The following RASGRP4 variants were observed in gnomAD, a reference collection of about 807,000 sequenced individuals.
RASGRP4 encodes the protein RAS guanyl releasing protein 4.
RASGRP4 carries 52 observed loss-of-function variants against 84.4 expected under a neutral mutation model. The ratio of observed to expected loss-of-function variants is 0.62; its 90% CI spans 0.49 to 0.78. The LOEUF is 0.78. Ranked by LOEUF, RASGRP4 falls within the 30% of genes least tolerant of loss-of-function variation. The probability of loss-of-function intolerance (pLI) is 0.00; values close to 1 mark genes in which losing one functional copy is unlikely to be tolerated. For missense variants in RASGRP4, 760 were observed against 886.9 expected (o/e 0.86, Z 1.82); for synonymous variants, 356 against 359.1 (o/e 0.99, Z 0.10).
In RASGRP4 at chr19:38,413,542, G is replaced by T; in HGVS notation, c.1231-68C>A. 2 of 1,331,016 alleles carry T rather than the reference G, an allele frequency of 1.5e-6. No individual in the cohort carries two copies. The highest frequency in any genetic ancestry group is 2.0e-5 in the Admixed American group (1 of 50,014). 82.5% of individuals were successfully genotyped at this position (1,331,016 alleles called of 1,614,324 possible). On this transcript the variant is annotated intron_variant, in intron 9 of 16. Transcript: ENST00000615439. This position sits in a 1 kb window ranked among gnomAD's most constrained non-coding sequence, Gnocchi z 4.7. ...CTGCCCCAGACCCCCACACCCACTC[G>T]CAGGCTCTTCCCAAAGCCCCTCCTG...
chr19:38,414,687 T>C (rs1006953350), intron 9 of RASGRP4, among the ~76,000 whole-genome samples, 161 bp downstream of exon 9: 1 of 152,220 alleles, frequency 6.6e-6, no homozygotes, highest in Non-Finnish European at 1.5e-5. Context: ...TTCAGTGACT[T>C]GCCCAAGATC....
chr19:38,411,372 C>A lies in RASGRP4; in HGVS notation c.1690G>T (p.Val564Phe). 6.3e-7 allele frequency: 1 copy of A among 1,580,702 alleles called. No homozygotes were observed. Among genetic ancestry groups the A allele is most frequent in the Admixed American group, 1.8e-5 (1 of 55,646 alleles). ...CGACAGCGGTAGCCTTGCTTGGTGA[C>A]ACCCCAGAGCTGGGAAGAGAAAGGA... ...CDSCSGFLWG[V>F]TKQGYRCREC... The change falls in exon 14 of 17, where the codon GTC (valine) becomes TTC (phenylalanine). Residue 564 changes from valine (V) to phenylalanine (F), a missense_variant. Coordinates refer to ENST00000615439, the MANE Select transcript of RASGRP4 (RefSeq NM_170604.3).
At chr19:38,415,738 G>A (rs1481613337) in intron 8 of RASGRP4, among the ~76,000 whole-genome samples, 2 of 151,904 alleles carry the variant, frequency 1.3e-5, no homozygotes, top group African/African-American at 4.8e-5. Flanking sequence ...ACAGTGTCAT[G>A]ATCACAGCTC....
rs1156782775 is a variant in RASGRP4, at chr19:38,417,879, C to T, written c.837+512G>A. On this transcript the variant is annotated intron_variant, in intron 7 of 16. Transcript: ENST00000615439. This position sits in a 1 kb window ranked among gnomAD's most constrained non-coding sequence, Gnocchi z 5.1. The stretch of plus-strand genomic sequence containing the variant: ...CTGCGTGGAAATACGCAAGGGGGCG[C>T]GGCCACAGCGGGGCCGTAGGGCTTC... Among the ~76,000 whole-genome samples the T allele has an allele frequency of 6.6e-6, 1 of 151,716 alleles. No individual in the cohort carries two copies. The highest frequency in any genetic ancestry group is 2.1e-4 in the South Asian group (1 of 4,828).
At chr19:38,426,014 C>T in intron 1 of RASGRP4, 55 bp downstream of exon 1, 1 of 1,334,220 alleles carries the variant, frequency 7.5e-7, no homozygotes, top group Non-Finnish European at 9.8e-7. Context: ...CCAGCCCTCC[C>T]ATGCAGAGGG....
chr19:38,412,819 G>A lies in RASGRP4; in HGVS notation c.1536-3C>T, dbSNP rs1486176880. The A allele has an allele frequency of 3.1e-6, 5 of 1,608,626 alleles. No individual in the cohort carries two copies. Among genetic ancestry groups the A allele is most frequent in the Non-Finnish European group, 4.2e-6 (5 of 1,177,332 alleles). On this transcript the variant is annotated splice_polypyrimidine_tract_variant and splice_region_variant and intron_variant, in intron 12 of 16. Transcript: ENST00000615439. The surrounding 1 kb of genome is among the most constrained non-coding windows in gnomAD (Gnocchi z 4.6). ...CCTCTCTGCTGAAGGATCCTCTCCT[G>A]GGGGCAGAAACTGAGCCTCAGCATG...
intron 8 of RASGRP4, among the ~76,000 whole-genome samples, chr19:38,415,669 G>A (rs775112665): frequency 8.6e-5 from 13 of 151,710 alleles, no homozygotes; most frequent in East Asian, 2.0e-4. Flanking sequence ...CATCAAGACC[G>A]GCCTTTTTAT....
intron 4 of RASGRP4, 122 bp downstream of exon 4, chr19:38,420,786 G>T: frequency 1.1e-6 from 1 of 921,826 alleles, no homozygotes. Flanking sequence ...GTGGGATTTT[G>T]GCCTGTGGGG....
intron 1 of RASGRP4, among the ~76,000 whole-genome samples, chr19:38,423,339 A>G (rs1158845651): frequency 1.3e-5 from 2 of 151,936 alleles, no homozygotes; most frequent in Non-Finnish European, 2.9e-5. Context: ...ACCCCGGCCA[A>G]CATGGTGAAA....
In RASGRP4 at chr19:38,412,460, A is replaced by G. The variant is rs1971302944; in HGVS notation, c.1680+212T>C. Reference sequence around the variant, plus strand: ...TTTAGGTATTATCCATGGTTCAGCAATTGTCTGGGGTGGACATTATCTGGG... The same window carrying G: ...TTTAGGTATTATCCATGGTTCAGCAGTTGTCTGGGGTGGACATTATCTGGG... On this transcript the variant is annotated intron_variant, in intron 13 of 16. Transcript: ENST00000615439. The surrounding 1 kb of genome is among the most constrained non-coding windows in gnomAD (Gnocchi z 4.6). 6.9e-6 allele frequency: 4 copies of G among 583,564 alleles called. No homozygotes were observed. The highest frequency in any genetic ancestry group is 3.7e-5 in the African/African-American group (2 of 53,548). The allele number at this position is 583,564 out of a possible 1,614,324, so 36.1% of individuals were successfully genotyped here.
intron 1 of RASGRP4, among the ~76,000 whole-genome samples, chr19:38,424,785 C>G (rs1971918790): frequency 6.6e-6 from 1 of 151,702 alleles, no homozygotes; most frequent in Non-Finnish European, 1.5e-5. Context: ...AGCATTCTAA[C>G]TAAGTCAGCA....
intron 1 of RASGRP4, among the ~76,000 whole-genome samples, chr19:38,425,785 G>A (rs914334804): frequency 6.6e-6 from 1 of 152,180 alleles, no homozygotes; most frequent in Admixed American, 6.5e-5. Context: ...CCCCCAGGGA[G>A]GGCAGAGACA....
intron 13 of RASGRP4, 64 bp from the exon 14 acceptor site, chr19:38,411,445 C>T: frequency 7.0e-7 from 1 of 1,434,052 alleles, no homozygotes; most frequent in Non-Finnish European, 9.4e-7. Flanking sequence ...ATTGGCAGGG[C>T]AGCTGGGGAG....
chr19:38,422,489 G>A (rs142145136), intron 1 of RASGRP4, among the ~76,000 whole-genome samples: 7 of 152,298 alleles, frequency 4.6e-5, no homozygotes, highest in African/African-American at 1.7e-4. Flanking sequence ...CAGCGGGCAA[G>A]CAAGCACCCC....
At chr19:38,424,040 TTA>T (rs1462027071) in intron 1 of RASGRP4, among the ~76,000 whole-genome samples, 1 of 152,156 alleles carries the variant, frequency 6.6e-6, no homozygotes, top group Admixed American at 6.5e-5. Context: ...TGTTAGTCAC[TTA>T]ATTTCTCTGG....
chr19:38,411,573 C>T lies in RASGRP4; in HGVS notation c.1681-192G>A, dbSNP rs979762692. 4.9e-6 allele frequency: 3 copies of T among 607,112 alleles called. No individual in the cohort carries two copies. The East Asian group carries it at 8.7e-5, about 18-fold the overall frequency. 37.6% of individuals were successfully genotyped at this position (607,112 alleles called of 1,614,324 possible). A position where few individuals can be genotyped will look rare whatever the true frequency, so the allele number is the denominator to read the frequency against. ...CCAGTAATCCCAGCACTTTGAGACG[C>T]CAAGGTGGGAGGTTGGGAGGCCAAG... is the stretch of plus-strand genomic sequence containing the variant. On this transcript the variant is annotated intron_variant, in intron 13 of 16. Transcript: ENST00000615439.
At position 38,426,086 on chromosome 19, in the gene RASGRP4, G is replaced by A; in HGVS notation, c.6C>T (p.Asn2=). The stretch of plus-strand genomic sequence containing the variant: ...CCTCTCACCTCTTACTGTCTTTTCT[G>A]TTCATGCTTCCCGCGTGGGGTGAGG... M[N]RKDSKRKSHQ... The change falls in exon 1 of 17, where the codon AAC becomes AAT. Residue 2 remains asparagine (N), a synonymous_variant. Transcript: ENST00000615439. 1 of 1,343,644 alleles carries A rather than the reference G, an allele frequency of 7.4e-7. No homozygotes were observed. Among genetic ancestry groups the A allele is most frequent in the Non-Finnish European group, 9.6e-7 (1 of 1,038,286 alleles). The allele number at this position is 1,343,644 out of a possible 1,614,324, so 83.2% of individuals were successfully genotyped here.
chr19:38,421,822 C>G (rs1335396444), intron 2 of RASGRP4, 147 bp downstream of exon 2: 12 of 513,302 alleles, frequency 2.3e-5, no homozygotes, highest in Non-Finnish European at 4.1e-5. Context: ...AGAAGAAATG[C>G]AGGTGTTTCT....
At position 38,412,937 on chromosome 19, in the gene RASGRP4, C is replaced by T. The variant is rs751562921; in HGVS notation, c.1529G>A (p.Arg510His). 6.9e-5 allele frequency: 112 copies of T among 1,613,534 alleles called. No homozygotes were observed. The highest frequency in any genetic ancestry group is 1.6e-4 in the East Asian group (7 of 44,886). The part of the protein sequence containing the change: ...FACHGLHPPP[R>H]QGRGSFSREE... ...AGGAGTCACAACCACTTACCCCTGG[C>T]GTGGGGGTGGGTGAAGCCCATGGCA... is the stretch of plus-strand genomic sequence containing the variant. Residue 510 changes from arginine to histidine, a missense_variant, in exon 12 of 17, where the codon CGC becomes CAC. Arg to His is a conservative substitution (Grantham distance 29). Transcript: ENST00000615439. This position sits in a 1 kb window ranked among gnomAD's most constrained non-coding sequence, Gnocchi z 4.6.
Sources: gnomAD v4.1 joint callset for allele counts (sites outside exome capture counted in the v4.1 genomes callset) on GRCh38, gnomAD v4.1.1 for gene constraint, Gnocchi (gnomAD v3.1) non-coding constraint, MANE v1.5 for transcripts, NCBI Gene and HGNC (gene_info 2026-07-23, HGNC 2026-07-21) for gene names.